The following SHD variants were observed in gnomAD, a reference collection of about 807,000 sequenced individuals.
The protein encoded by SHD is Src homology 2 domain containing transforming protein D.
Under a neutral mutation model 31.2 loss-of-function variants are expected in SHD, and 29 were observed. That is an observed-to-expected ratio of 0.93 (90% CI 0.69 to 1.27). SHD has a LOEUF of 1.27. Ranked by LOEUF, SHD falls within the 50% of genes most tolerant of loss-of-function variation. The pLI, the probability that SHD is intolerant of heterozygous loss-of-function variation, is 0.00. For synonymous variants in SHD, 208 were observed against 187.8 expected (o/e 1.11, Z -0.88); for missense variants, 520 against 453.8 (o/e 1.15, Z -1.33).
rs377018795 is a variant in SHD, at chr19:4,284,890, C to T, written c.702C>T (p.Pro234=). 1.4e-5 allele frequency: 23 copies of T among 1,599,834 alleles called. No homozygotes were observed. Among genetic ancestry groups the T allele is most frequent in the Non-Finnish European group, 1.8e-5 (21 of 1,171,576 alleles). Residue 234 remains proline, a synonymous_variant, in exon 4 of 6, where the codon CCC becomes CCT. Transcript: ENST00000543264. Reference sequence around the variant, plus strand: ...CGGAGCGTGTGGACCCAGCCCTGCCCCTGGAGAAACAGCCGTGAGTGGGGA... The same window carrying T: ...CGGAGCGTGTGGACCCAGCCCTGCCTCTGGAGAAACAGCCGTGAGTGGGGA... The part of the protein sequence containing the change: ...QPAERVDPAL[P]LEKQPWFHGP...
At chr19:4,279,116 G>C (rs1014907146), upstream of SHD, 2 of 152,348 alleles carry the variant, frequency 1.3e-5, no homozygotes, top group African/African-American at 4.8e-5. This position sits in a 1 kb window ranked among gnomAD's most constrained non-coding sequence, Gnocchi z 7.5. Context: ...CCTCGGCCCC[G>C]GCGACTCCCG....
intron 5 of SHD, 73 bp downstream of exon 5, chr19:4,288,435 G>A (rs1489386806): frequency 2.7e-6 from 4 of 1,472,650 alleles, no homozygotes; most frequent in Non-Finnish European, 3.6e-6. Context: ...AATTCAGAGG[G>A]AAGGGGAGGG....
chr19:4,287,186 G>T (rs28503421), intron 4 of SHD, among the ~76,000 whole-genome samples: 26,342 of 151,792 alleles, frequency 0.17, 2,399 homozygotes, highest in South Asian at 0.27. Flanking sequence ...CAAAAAATTA[G>T]CTGGGCGTGG....
chr19:4,284,659 G>A, intron 3 of SHD, 122 bp from the exon 4 acceptor site: 1 of 1,229,138 alleles, frequency 8.1e-7, no homozygotes, highest in Non-Finnish European at 1.1e-6. Context: ...CCCAGCCCCT[G>A]GGCTGTGATA....
intron 4 of SHD, among the ~76,000 whole-genome samples, chr19:4,286,288 T>TTTCTTTCTTTCCTTCC (rs1971316053): frequency 2.6e-5 from 3 of 113,408 alleles, no homozygotes; most frequent in African/African-American, 1.0e-4. Flanking sequence ...TCTTTTTTTC[T>TTTCTTTCTTTCCTTCC]TTCCTTCCTT....
At chr19:4,290,050 A>G (rs1317302125) in intron 5 of SHD, among the ~76,000 whole-genome samples, 2 of 147,714 alleles carry the variant, frequency 1.4e-5, no homozygotes, top group African/African-American at 2.5e-5. Flanking sequence ...TAATTTTTGT[A>G]TTTTTAGTGG....
At chr19:4,288,098 T>G in intron 4 of SHD, 145 bp from the exon 5 acceptor site, 1 of 885,878 alleles carries the variant, frequency 1.1e-6, no homozygotes, top group Non-Finnish European at 1.6e-6. Flanking sequence ...AGAAACGGGG[T>G]TTCACCATGT....
rs1409652682 is a variant in SHD at position 4,286,310 on chromosome 19, TCCTTCCTA to T, written c.716+1414_716+1421del. On this transcript the variant is annotated intron_variant, in intron 4 of 5. Coordinates refer to ENST00000543264, the MANE Select transcript of SHD (RefSeq NM_020209.4). The stretch of plus-strand genomic sequence containing the variant: ...TTCTTTCCTTCCTTCCTTCCTTCCT[TCCTTCCTA>T]CCTTCCTTCCTTCCTTCCTTTCTTT... Among the ~76,000 whole-genome samples the T allele has an allele frequency of 3.5e-3, 498 of 141,454 alleles. 6 individuals are homozygous for T. Among genetic ancestry groups the T allele is most frequent in the Non-Finnish European group, 4.2e-3 (275 of 66,242 alleles). The allele number at this position is 141,454 out of a possible 152,430, so 92.8% of individuals were successfully genotyped here. A position where few individuals can be genotyped will look rare whatever the true frequency, so the allele number is the denominator to read the frequency against.
At chr19:4,286,251 CTTTCTT>C (rs1568369384) in intron 4 of SHD, among the ~76,000 whole-genome samples, 1 of 114,274 alleles carries the variant, frequency 8.8e-6, no homozygotes, top group African/African-American at 3.5e-5. Context: ...TTCTTTCTTT[CTTTCTT>C]TCTCTCTTTC....
At chr19:4,285,581 G>A (rs1335050259) in intron 4 of SHD, among the ~76,000 whole-genome samples, 1 of 140,188 alleles carries the variant, frequency 7.1e-6, no homozygotes, top group Non-Finnish European at 1.6e-5. Flanking sequence ...CCCGAGTCTT[G>A]CTGTGTCGCC....
chr19:4,287,591 C>T (rs1971333556), intron 4 of SHD, among the ~76,000 whole-genome samples: 1 of 151,942 alleles, frequency 6.6e-6, no homozygotes, highest in South Asian at 2.1e-4. Context: ...TCGAGACCAG[C>T]CTGGCCAACA....
Position 4,280,168 on chromosome 19 carries a change from C to A in SHD, c.105C>A (p.Arg35=), listed in dbSNP as rs1284239891. 1.2e-6 allele frequency: 2 copies of A among 1,613,808 alleles called. No individual in the cohort carries two copies. The highest frequency in any genetic ancestry group is 1.3e-5 in the African/African-American group (1 of 74,900). The change falls in exon 1 of 6, where the codon CGC becomes CGA. Residue 35 remains arginine (R), a synonymous_variant. Transcript: ENST00000543264. ...AGAGCGACATCCTGAGGGCCTACCG[C>A]GCGCAGAAGAACCTGGACTTCGAGG... ...YTESDILRAY[R]AQKNLDFEDP...
intron 5 of SHD, 61 bp from the exon 6 acceptor site, chr19:4,290,386 G>A: frequency 6.5e-7 from 1 of 1,544,556 alleles, no homozygotes; most frequent in Non-Finnish European, 8.8e-7. Context: ...TGGCTTTGGG[G>A]ATGGTGCCTT....
intron 1 of SHD, among the ~76,000 whole-genome samples, chr19:4,281,810 G>A (rs1258693993): frequency 1.3e-5 from 2 of 152,086 alleles, no homozygotes; most frequent in Non-Finnish European, 2.9e-5. Flanking sequence ...CCAGGGACTC[G>A]AGGAAACCAG....
chr19:4,288,629 G>A (rs1291339571), intron 5 of SHD, among the ~76,000 whole-genome samples: 1 of 152,152 alleles, frequency 6.6e-6, no homozygotes, highest in African/African-American at 2.4e-5. Context: ...GTAAGACAAG[G>A]AACTAGGTGC....
At chr19:4,280,388 T>C (rs575000203) in intron 1 of SHD, 28 bp downstream of exon 1, 10 of 1,533,882 alleles carry the variant, frequency 6.5e-6, no homozygotes, top group Non-Finnish European at 8.8e-6. Flanking sequence ...CTGGGGAGAC[T>C]GGGTGGAGGG....
chr19:4,282,351 C>A (rs960389705), intron 1 of SHD, among the ~76,000 whole-genome samples: 1 of 149,248 alleles, frequency 6.7e-6, no homozygotes, highest in African/African-American at 2.5e-5. Context: ...TCCCGGGAGT[C>A]GGAGGTTGCA....
intron 4 of SHD, 138 bp from the exon 5 acceptor site, chr19:4,288,105 A>G (rs1971339037): frequency 6.0e-6 from 6 of 1,003,956 alleles, no homozygotes; most frequent in Non-Finnish European, 8.4e-6. Flanking sequence ...GGGTTTCACC[A>G]TGTTAGGGAG....
Position 4,290,609 on chromosome 19 carries a change from C to A in SHD, c.999C>A (p.Tyr333Ter), listed in dbSNP as rs1265974955. Residue 333 changes from tyrosine (Y) to a stop codon, truncating the protein, a stop_gained, in exon 6 of 6, where the codon TAC becomes TAA. Coordinates refer to ENST00000543264, the MANE Select transcript of SHD (RefSeq NM_020209.4). LOFTEE classifies it high-confidence loss of function. ...GTGCCGAGCATCTGGCTCTGCTGTACCCCGTGGTCACGCAGACCCCCTGAC... is the reference window on the plus strand; with the variant it reads ...GTGCCGAGCATCTGGCTCTGCTGTAACCCGTGGTCACGCAGACCCCCTGAC... ...VQGAEHLALL[Y>*]PVVTQTP 1.2e-6 allele frequency: 2 copies of A among 1,610,938 alleles called. No individual in the cohort carries two copies. Among genetic ancestry groups the A allele is most frequent in the Admixed American group, 1.7e-5 (1 of 59,722 alleles).
Sources: gnomAD v4.1 joint callset for allele counts (sites outside exome capture counted in the v4.1 genomes callset) on GRCh38, gnomAD v4.1.1 for gene constraint, Gnocchi (gnomAD v3.1) non-coding constraint, MANE v1.5 for transcripts, NCBI Gene and HGNC (gene_info 2026-07-23, HGNC 2026-07-21) for gene names.